Variants in CDAN1 observed in about 807,000 individuals in gnomAD.
CDAN1 encodes the protein codanin-1.
A neutral mutation model predicts 139.8 loss-of-function variants in CDAN1; 107 were observed. The observed-to-expected ratio is 0.77, with a 90% CI of 0.65 to 0.90. The LOEUF is 0.90. Ranked by LOEUF, CDAN1 falls within the 40% of genes least tolerant of loss-of-function variation. The pLI, the probability that CDAN1 is intolerant of heterozygous loss-of-function variation, is 0.00. For missense variants in CDAN1, 1,667 were observed against 1,575.7 expected (o/e 1.06, Z -0.98); for synonymous variants, 776 against 660.6 (o/e 1.17, Z -2.68).
At chr15:42,735,853 C>G in intron 3 of CDAN1, 22 bp downstream of exon 3, 5 of 1,613,208 alleles carry the variant, frequency 3.1e-6, no homozygotes, top group Non-Finnish European at 4.2e-6. Flanking sequence ...AACCGATATC[C>G]CCAGGAGCGG....
intron 21 of CDAN1, 35 bp downstream of exon 21, chr15:42,728,169 C>G (rs1181738694): frequency 6.2e-7 from 1 of 1,610,390 alleles, no homozygotes; most frequent in Non-Finnish European, 8.5e-7. Context: ...CCACAACTGC[C>G]TGGCCTGCTA....
intron 6 of CDAN1, among the ~76,000 whole-genome samples, chr15:42,734,592 A>G (rs1047083353): frequency 6.6e-6 from 1 of 152,018 alleles, no homozygotes; most frequent in African/African-American, 2.4e-5. Context: ...AGCTGCCAAG[A>G]CCACAGGGGT....
intron 11 of CDAN1, 80 bp from the exon 12 acceptor site, chr15:42,731,411 G>A (rs2140488427): frequency 6.3e-7 from 1 of 1,591,604 alleles, no homozygotes. Context: ...CACTCCAGAG[G>A]GAAGGGAGCA....
In CDAN1 at chr15:42,724,559, G is replaced by C; in HGVS notation, c.3616C>G (p.Pro1206Ala). The change falls in exon 28 of 28, where the codon CCA (proline) becomes GCA (alanine). Residue 1206 changes from proline to alanine, a missense_variant. Pro to Ala is a conservative substitution (Grantham distance 27). Around this residue, in one of 3 missense-constraint regions of CDAN1, gnomAD observed 936 missense variants for 844.1 expected, o/e 1.11. Transcript: ENST00000356231. ...SNLFLAEPHL[P>A]EPQLRACELV... ...TCACAGGCTCTTAGCTGGGGTTCTG[G>C]CAGGTGGGGCTCGGCTAGAAACAGA... 1 of 1,557,060 alleles carries C rather than the reference G, an allele frequency of 6.4e-7. No individual in the cohort carries two copies.
At position 42,735,696 on chromosome 15, in the gene CDAN1, T is replaced by G. The variant is rs558575598; in HGVS notation, c.774-17A>C. 5.0e-6 allele frequency: 8 copies of G among 1,613,664 alleles called. No individual in the cohort carries two copies. The East Asian group carries it at 8.9e-5, about 18-fold the overall frequency. ...TGCTTAGAGCTATGGAATAAAGAAATTTCATGAGCAGTCAGCTTGGCTTCC... is the reference window on the plus strand; with the variant it reads ...TGCTTAGAGCTATGGAATAAAGAAAGTTCATGAGCAGTCAGCTTGGCTTCC... On this transcript the variant is annotated splice_polypyrimidine_tract_variant and intron_variant, in intron 3 of 27. Transcript: ENST00000356231.
rs758953451 is a variant in CDAN1 at position 42,737,023 on chromosome 15, T to G, written c.80A>C (p.Gln27Pro). The G allele has an allele frequency of 7.1e-6, 11 of 1,539,756 alleles. No individual in the cohort carries two copies. The South Asian group carries it at 1.3e-4, about 18-fold the overall frequency. The change falls in exon 1 of 28, where the codon CAG becomes CCG. Residue 27 changes from glutamine (Q) to proline (P), a missense_variant. Transcript: ENST00000356231. ...TGTCACCGCTGTTACCTCCGAACCC[T>G]GGGTGCTGCGCGCGATCCACCGCAC... is the stretch of plus-strand genomic sequence containing the variant. ...AVVRWIARST[Q>P]GSEDNAGEAA... is the part of the protein sequence containing the mutation.
At chr15:42,733,278 C>CAT in intron 8 of CDAN1, 92 bp from the exon 9 acceptor site, 4 of 838,302 alleles carry the variant, frequency 4.8e-6, no homozygotes, top group Non-Finnish European at 7.7e-6. Flanking sequence ...CACCCACCAC[C>CAT]TTTTTTTTTT....
At position 42,727,693 on chromosome 15, in the gene CDAN1, C is replaced by T; in HGVS notation, c.3024G>A (p.Gly1008=). 2 of 1,585,450 alleles carry T rather than the reference C, an allele frequency of 1.3e-6. No homozygotes were observed. The highest frequency in any genetic ancestry group is 1.7e-6 in the Non-Finnish European group (2 of 1,162,062). The part of the protein sequence containing the change: ...RAQGPEPAAR[G]ERRGCSRACE... ...AGGCGCGGGAGCAGCCCCTCCGCTC[C>T]CCCCGGGCAGCAGGTTCAGGACCCT... Residue 1008 remains glycine (G), a synonymous_variant, in exon 23 of 28, where the codon GGG becomes GGA. Transcript: ENST00000356231.
At chr15:42,734,170 T>C in intron 7 of CDAN1, 56 bp downstream of exon 7, 1 of 1,613,726 alleles carries the variant, frequency 6.2e-7, no homozygotes, top group Non-Finnish European at 8.5e-7. Flanking sequence ...CCTGAATTTA[T>C]GAAAGCTAGG....
Position 42,724,462 on chromosome 15 carries a change from A to G in CDAN1, c.*29T>C, listed in dbSNP as rs865776517. The stretch of plus-strand genomic sequence containing the variant: ...AGGCGGGGGTCCAGGGTTCTGGTGC[A>G]ATGCCCAAGGCAGGGCCACTTCTCA... On this transcript the variant is annotated 3_prime_UTR_variant, in exon 28 of 28. Coordinates refer to ENST00000356231, the MANE Select transcript of CDAN1 (RefSeq NM_138477.4). 6.4e-7 allele frequency: 1 copy of G among 1,570,450 alleles called. No individual in the cohort carries two copies. The highest frequency in any genetic ancestry group is 8.6e-7 in the Non-Finnish European group (1 of 1,157,108).
chr15:42,733,870 C>T (rs2061649382), intron 8 of CDAN1, 68 bp downstream of exon 8: 1 of 1,211,928 alleles, frequency 8.3e-7, no homozygotes, highest in South Asian at 1.2e-5. Flanking sequence ...TTCTATGAAA[C>T]CAAACAGCTG....
Position 42,731,743 on chromosome 15 carries a change from A to C in CDAN1, c.1616T>G (p.Leu539Arg). 1 of 1,614,174 alleles carries C rather than the reference A, an allele frequency of 6.2e-7. No individual in the cohort carries two copies. Among genetic ancestry groups the C allele is most frequent in the Non-Finnish European group, 8.5e-7 (1 of 1,180,048 alleles). Residue 539 changes from leucine to arginine, a missense_variant, in exon 11 of 28, where the codon CTG becomes CGG. By Grantham distance (102) the Leu-to-Arg change is moderately radical (BLOSUM62 -2). This residue lies in a region of CDAN1 where 244 missense variants were observed against 309.4 expected (regional missense o/e 0.79). Coordinates refer to ENST00000356231, the MANE Select transcript of CDAN1 (RefSeq NM_138477.4). Reference sequence around the variant, plus strand: ...TTCCTGTAGGCGCCACAACCGCCCCAGCTTGTCAGCTCCCAGCATACTCAA... The same window carrying C: ...TTCCTGTAGGCGCCACAACCGCCCCCGCTTGTCAGCTCCCAGCATACTCAA... Reference protein sequence around the residue: ...DVLSMLGADKLGRLWRLQERL... With the variant: ...DVLSMLGADKRGRLWRLQERL...
rs1264740224 is a variant in CDAN1 at position 42,728,792 on chromosome 15, A to C, written c.2664T>G (p.Asp888Glu). 1.9e-6 allele frequency: 3 copies of C among 1,614,196 alleles called. No homozygotes were observed. The highest frequency in any genetic ancestry group is 2.5e-6 in the Non-Finnish European group (3 of 1,180,036). The change falls in exon 20 of 28, where the codon GAT becomes GAG. Residue 888 changes from aspartate to glutamate, a missense_variant. Coordinates refer to ENST00000356231, the MANE Select transcript of CDAN1 (RefSeq NM_138477.4). ...GAAGTGACTCTGCCTGGCGCACCAG[A>C]TCTGCCACCAGTGTAGCCCTGCAGC... ...VKHIKATLVA[D>E]LVRQAESLLQ...
rs1192203204 is a variant in CDAN1 at position 42,736,384 on chromosome 15, T to C, written c.487A>G (p.Ser163Gly). ...TTTGGCGGATCAGACAGCGTGAGGC[T>C]GGGGCGGCTGGGGCTGCCAGAGCCC... ...LRGSGSPSRPSLTLSDPPNLS... is the reference protein window; with the variant it reads ...LRGSGSPSRPGLTLSDPPNLS... The change falls in exon 2 of 28, where the codon AGC becomes GGC. Residue 163 changes from serine to glycine, a missense_variant. Coordinates refer to ENST00000356231, the MANE Select transcript of CDAN1 (RefSeq NM_138477.4). The C allele has an allele frequency of 6.2e-7, 1 of 1,612,804 alleles. No homozygotes were observed. The highest frequency in any genetic ancestry group is 8.5e-7 in the Non-Finnish European group (1 of 1,179,670).
chr15:42,724,157 G>A lies in CDAN1; in HGVS notation c.*334C>T. On this transcript the variant is annotated 3_prime_UTR_variant, in exon 28 of 28. Transcript: ENST00000356231. ...ATTCCAAGACTACAAAGTTTTAAGAGATGCTGGGATAGCAAATGAGGCTTG... is the reference window on the plus strand; with the variant it reads ...ATTCCAAGACTACAAAGTTTTAAGAAATGCTGGGATAGCAAATGAGGCTTG... 2.8e-6 allele frequency: 1 copy of A among 358,592 alleles called. No homozygotes were observed. Among genetic ancestry groups the A allele is most frequent in the Non-Finnish European group, 5.4e-6 (1 of 185,250 alleles). 22.2% of individuals were successfully genotyped at this position (358,592 alleles called of 1,614,324 possible). A position where few individuals can be genotyped will look rare whatever the true frequency, so the allele number is the denominator to read the frequency against.
intron 15 of CDAN1, 34 bp downstream of exon 15, chr15:42,730,094 A>C: frequency 1.9e-6 from 3 of 1,583,870 alleles, no homozygotes; most frequent in South Asian, 2.2e-5. Context: ...CAGCTGTAGA[A>C]CCTCTCTCCA....
chr15:42,727,945 A>C lies in CDAN1; in HGVS notation c.2947+10T>G. On this transcript the variant is annotated intron_variant, in intron 22 of 27. Coordinates refer to ENST00000356231, the MANE Select transcript of CDAN1 (RefSeq NM_138477.4). Reference sequence around the variant, plus strand: ...ACTTGATTCAGCCACTCCCCCATCCAGGACCTTACCTGTGATGTTGGCTGA... The same window carrying C: ...ACTTGATTCAGCCACTCCCCCATCCCGGACCTTACCTGTGATGTTGGCTGA... 3.7e-6 allele frequency: 6 copies of C among 1,613,590 alleles called. No homozygotes were observed. Among genetic ancestry groups the C allele is most frequent in the Non-Finnish European group, 5.1e-6 (6 of 1,179,502 alleles).
rs758267782 is a variant in CDAN1 at position 42,735,386 on chromosome 15, C to G, written c.944-12G>C. The stretch of plus-strand genomic sequence containing the variant: ...TGGTACCAGGTTCTCTAGATAGATA[C>G]AAAAAGAAAGCCCATGGTATGGGCA... On this transcript the variant is annotated splice_polypyrimidine_tract_variant and intron_variant, in intron 4 of 27. Coordinates refer to ENST00000356231, the MANE Select transcript of CDAN1 (RefSeq NM_138477.4). 3 of 1,597,332 alleles carry G rather than the reference C, an allele frequency of 1.9e-6. No homozygotes were observed. The African/African-American group carries it at 4.0e-5, about 21-fold the overall frequency.
rs1348159972 is a variant in CDAN1, at chr15:42,724,466, C to T, written c.*25G>A. The T allele has an allele frequency of 6.4e-7, 1 of 1,571,858 alleles. No individual in the cohort carries two copies. Among genetic ancestry groups the T allele is most frequent in the African/African-American group, 1.3e-5 (1 of 74,164 alleles). On this transcript the variant is annotated 3_prime_UTR_variant, in exon 28 of 28. Coordinates refer to ENST00000356231, the MANE Select transcript of CDAN1 (RefSeq NM_138477.4). ...GGGGGTCCAGGGTTCTGGTGCAATG[C>T]CCAAGGCAGGGCCACTTCTCAGCCC...
Sources: gnomAD v4.1 joint callset for allele counts (sites outside exome capture counted in the v4.1 genomes callset) on GRCh38, gnomAD v4.1.1 for gene constraint, gnomAD v4.1.1 regional missense constraint, MANE v1.5 for transcripts, NCBI Gene and HGNC (gene_info 2026-07-23, HGNC 2026-07-21) for gene names.